Variants in SLC44A1 observed in about 807,000 individuals in gnomAD.
The protein encoded by SLC44A1 is solute carrier family 44 member 1.
A neutral mutation model predicts 79.3 loss-of-function variants in SLC44A1; 26 were observed. That is an observed-to-expected ratio of 0.33 (90% CI 0.24 to 0.46). The LOEUF (loss-of-function observed/expected upper bound fraction) is 0.46. Among genes scored for constraint, SLC44A1 ranks in the 20% least tolerant of loss-of-function variants. SLC44A1 has a pLI of 1.00. For missense variants in SLC44A1, 688 were observed against 798.1 expected, an observed-to-expected ratio of 0.86 and a Z score of 1.66; for synonymous variants, 263 against 286.2, an observed-to-expected ratio of 0.92 and a Z score of 0.82.
chr9:105,432,113 A>G (rs1002121136), intron 15 of SLC44A1, among the ~76,000 whole-genome samples: 9 of 152,044 alleles, frequency 5.9e-5, no homozygotes, highest in African/African-American at 2.2e-4. Context: ...GTAGAGACGG[A>G]GTTTCACCAT....
Position 105,362,833 on chromosome 9 carries a change from C to T in SLC44A1, c.913C>T (p.Leu305=). ...TCTCTCCATACAGGTGATCTTATTC[C>T]TGATAATGTTGGTTATGCGCAAACG... ...SATVFTVILF[L]IMLVMRKRVA... is the part of the protein sequence containing the mutation. The change falls in exon 9 of 16, where the codon CTG becomes TTG. Residue 305 remains leucine (L), a synonymous_variant. Transcript: ENST00000374720. 1.2e-6 allele frequency: 2 copies of T among 1,600,722 alleles called. No homozygotes were observed. Among genetic ancestry groups the T allele is most frequent in the South Asian group, 1.1e-5 (1 of 88,182 alleles).
intron 15 of SLC44A1, among the ~76,000 whole-genome samples, chr9:105,420,428 G>A (rs138115399): frequency 3.6e-4 from 55 of 152,280 alleles, no homozygotes; most frequent in Non-Finnish European, 6.3e-4. Flanking sequence ...GCATGGTGAG[G>A]TAAAAGGGAG....
chr9:105,415,505 A>G (rs1335615130), intron 15 of SLC44A1, among the ~76,000 whole-genome samples: 1 of 152,244 alleles, frequency 6.6e-6, no homozygotes, highest in Non-Finnish European at 1.5e-5. Flanking sequence ...AGAGGGAGGC[A>G]GGAGTTCCAG....
chr9:105,259,491 C>T (rs771981893), intron 1 of SLC44A1, among the ~76,000 whole-genome samples: 7 of 152,146 alleles, frequency 4.6e-5, no homozygotes, highest in Admixed American at 2.6e-4. Context: ...GATCAAATTA[C>T]GAAGGCAGAG....
chr9:105,332,760 T>A (rs1367308704), intron 3 of SLC44A1, among the ~76,000 whole-genome samples: 2 of 152,196 alleles, frequency 1.3e-5, no homozygotes, highest in Non-Finnish European at 2.9e-5. Flanking sequence ...ATTGTATCCC[T>A]GTTTTATGCC....
At chr9:105,280,922 A>T in intron 1 of SLC44A1, among the ~76,000 whole-genome samples, 1 of 152,328 alleles carries the variant, frequency 6.6e-6, no homozygotes, top group Non-Finnish European at 1.5e-5. Flanking sequence ...GTGTGAGTCA[A>T]TGTGAGATCA....
intron 1 of SLC44A1, among the ~76,000 whole-genome samples, chr9:105,260,266 C>T (rs1159336139): frequency 2.0e-5 from 3 of 152,110 alleles, no homozygotes; most frequent in Non-Finnish European, 4.4e-5. Flanking sequence ...GGGTCATTGC[C>T]CTGCCTCCCA....
intron 1 of SLC44A1, among the ~76,000 whole-genome samples, chr9:105,283,120 G>C (rs1229812041): frequency 6.6e-6 from 1 of 152,178 alleles, no homozygotes; most frequent in Non-Finnish European, 1.5e-5. Flanking sequence ...GTTAAACTCA[G>C]CACTCTCATG....
intron 7 of SLC44A1, among the ~76,000 whole-genome samples, chr9:105,360,484 A>G (rs1222046410): frequency 6.6e-6 from 1 of 152,202 alleles, no homozygotes; most frequent in African/African-American, 2.4e-5. Context: ...CTAGAACAAT[A>G]GGTGCTGTAG....
chr9:105,333,092 A>C (rs943735554), intron 3 of SLC44A1, among the ~76,000 whole-genome samples: 1 of 152,194 alleles, frequency 6.6e-6, no homozygotes, highest in African/African-American at 2.4e-5. Flanking sequence ...TCAAAGGAAT[A>C]TGTTTTAAGG....
At chr9:105,244,984 T>G in intron 1 of SLC44A1, 80 bp downstream of exon 1, 9 of 446,960 alleles carry the variant, frequency 2.0e-5, no homozygotes, top group East Asian at 1.5e-4. Flanking sequence ...CGCCGCCCGA[T>G]ACCTCTCGCT....
At chr9:105,307,292 A>G (rs542169265) in intron 2 of SLC44A1, among the ~76,000 whole-genome samples, 1 of 152,364 alleles carries the variant, frequency 6.6e-6, no homozygotes, top group East Asian at 1.9e-4. Flanking sequence ...GTTTGAATCC[A>G]GGTCTTACTG....
intron 4 of SLC44A1, among the ~76,000 whole-genome samples, chr9:105,338,589 A>G (rs1311950771): frequency 6.6e-6 from 1 of 151,946 alleles, no homozygotes; most frequent in African/African-American, 2.4e-5. Flanking sequence ...TAATTTTTTT[A>G]CTTATATGGC....
intron 2 of SLC44A1, among the ~76,000 whole-genome samples, chr9:105,304,904 A>G (rs1023706836): frequency 2.5e-4 from 35 of 140,842 alleles, no homozygotes; most frequent in Non-Finnish European, 5.0e-4. Context: ...TATATGCTCA[A>G]TAAATGCTTA....
At chr9:105,309,656 C>G in intron 2 of SLC44A1, 68 bp from the exon 3 acceptor site, 1 of 1,421,160 alleles carries the variant, frequency 7.0e-7, no homozygotes, top group Non-Finnish European at 9.9e-7. Context: ...AGCTCATTAT[C>G]GTATCAACTA....
At chr9:105,403,536 A>G (rs1196068106) in intron 15 of SLC44A1, among the ~76,000 whole-genome samples, 1 of 151,444 alleles carries the variant, frequency 6.6e-6, no homozygotes, top group East Asian at 1.9e-4. Context: ...GGATACATTC[A>G]CTGAGTTCTA....
intron 1 of SLC44A1, among the ~76,000 whole-genome samples, chr9:105,286,661 T>C (rs1362147647): frequency 1.3e-5 from 2 of 152,176 alleles, no homozygotes; most frequent in Non-Finnish European, 2.9e-5. Context: ...TCAAATGGGT[T>C]GTGTTATAAA....
At chr9:105,330,153 T>C (rs182308490) in intron 3 of SLC44A1, among the ~76,000 whole-genome samples, 3 of 152,342 alleles carry the variant, frequency 2.0e-5, no homozygotes, top group Non-Finnish European at 4.4e-5. Context: ...GCATACCACA[T>C]AGAGTACAGC....
At chr9:105,298,389 G>C (rs1012114785) in intron 1 of SLC44A1, among the ~76,000 whole-genome samples, 3 of 152,030 alleles carry the variant, frequency 2.0e-5, no homozygotes, top group Non-Finnish European at 4.4e-5. Flanking sequence ...TTTTGCTCTT[G>C]TTGCCCAGGC....
Sources: gnomAD v4.1 joint callset for allele counts (sites outside exome capture counted in the v4.1 genomes callset) on GRCh38, gnomAD v4.1.1 for gene constraint, MANE v1.5 for transcripts, NCBI Gene and HGNC (gene_info 2026-07-23, HGNC 2026-07-21) for gene names.